Variants in EDIL3 observed in about 807,000 individuals in gnomAD.
The protein encoded by EDIL3 is EGF like and discoidin domains 3.
In EDIL3, 37 loss-of-function variants were observed where a neutral mutation model predicts 67.4. The ratio of observed to expected loss-of-function variants is 0.55; its 90% confidence interval spans 0.42 to 0.72. The LOEUF is 0.72. Ranked by LOEUF, EDIL3 falls within the 30% of genes least tolerant of loss-of-function variation. EDIL3 has a pLI of 0.00. For synonymous variants in EDIL3, 195 were observed against 196.3 expected (o/e 0.99, Z 0.05); for missense variants, 527 against 586.3 (o/e 0.90, Z 1.04).
chr5:84,000,992 G>A (rs1190590860), intron 9 of EDIL3, among the ~76,000 whole-genome samples: 3 of 151,934 alleles, frequency 2.0e-5, no homozygotes, highest in Non-Finnish European at 4.4e-5. Context: ...GTGGTACTAA[G>A]AGGAAAGTTT....
intron 6 of EDIL3, among the ~76,000 whole-genome samples, chr5:84,092,890 T>C (rs1033945215): frequency 2.0e-5 from 3 of 152,170 alleles, no homozygotes; most frequent in Non-Finnish European, 4.4e-5. Context: ...CTGGCAAACA[T>C]CCTACAAATA....
intron 8 of EDIL3, among the ~76,000 whole-genome samples, chr5:84,062,103 G>T (rs958229537): frequency 2.0e-5 from 3 of 151,934 alleles, no homozygotes; most frequent in Admixed American, 6.6e-5. Flanking sequence ...GTACATTTTG[G>T]TATAGGAGAT....
chr5:84,367,234 C>A (rs1340583754), intron 1 of EDIL3, among the ~76,000 whole-genome samples: 2 of 151,858 alleles, frequency 1.3e-5, no homozygotes, highest in Admixed American at 1.3e-4. Flanking sequence ...TAAAGGGAAA[C>A]ACAAGCATAT....
intron 1 of EDIL3, among the ~76,000 whole-genome samples, chr5:84,297,605 G>C (rs1746076293): frequency 6.6e-6 from 1 of 152,128 alleles, no homozygotes; most frequent in Non-Finnish European, 1.5e-5. Context: ...TGGGTCCAGG[G>C]GACCATCGGG....
At chr5:84,134,222 C>T (rs1465952836) in intron 5 of EDIL3, among the ~76,000 whole-genome samples, 1 of 152,072 alleles carries the variant, frequency 6.6e-6, no homozygotes, top group Non-Finnish European at 1.5e-5. Context: ...AATATCTCAA[C>T]AAAAACATCT....
intron 1 of EDIL3, among the ~76,000 whole-genome samples, chr5:84,369,421 T>G (rs535009063): frequency 6.6e-6 from 1 of 152,078 alleles, no homozygotes; most frequent in Non-Finnish European, 1.5e-5. Flanking sequence ...AAGAACATTC[T>G]AACGTATGCT....
At chr5:83,984,301 AAATAT>A (rs1296364630) in intron 9 of EDIL3, among the ~76,000 whole-genome samples, 1 of 152,082 alleles carries the variant, frequency 6.6e-6, no homozygotes, top group Admixed American at 6.6e-5. Flanking sequence ...GGGGTTCTGG[AAATAT>A]CTGGCAAAAA....
At chr5:84,096,840 G>A (rs2112273609) in intron 6 of EDIL3, among the ~76,000 whole-genome samples, 1 of 152,310 alleles carries the variant, frequency 6.6e-6, no homozygotes, top group South Asian at 2.1e-4. Context: ...TGAAAGATAA[G>A]TGAATCATGG....
intron 4 of EDIL3, among the ~76,000 whole-genome samples, chr5:84,166,982 A>G (rs149251414): frequency 1.3e-5 from 2 of 152,160 alleles, no homozygotes; most frequent in African/African-American, 4.8e-5. Context: ...ACGAACAGGA[A>G]CGGGGCATGC....
intron 1 of EDIL3, among the ~76,000 whole-genome samples, chr5:84,275,033 A>C (rs965516245): frequency 3.9e-5 from 6 of 152,148 alleles, no homozygotes; most frequent in Non-Finnish European, 7.4e-5. Context: ...TTGCTCTTTA[A>C]ATGTTTAAAA....
Position 84,065,975 on chromosome 5 carries a change from C to A in EDIL3, c.807+476G>T, listed in dbSNP as rs181595794. 6.7e-3 allele frequency among the ~76,000 whole-genome samples: 1,024 copies of A among 151,742 alleles called. 15 individuals are homozygous for A. Among genetic ancestry groups the A allele is most frequent in the African/African-American group, 0.024 (992 of 41,360 alleles). Reference sequence around the variant, plus strand: ...CTAAAAATACAAAAAATTAGCCGGGCGTGGTGGTGGGCACCTGTAGTCCCA... The same window carrying A: ...CTAAAAATACAAAAAATTAGCCGGGAGTGGTGGTGGGCACCTGTAGTCCCA... On this transcript the variant is annotated intron_variant, in intron 7 of 10. Coordinates refer to ENST00000296591, the MANE Select transcript of EDIL3 (RefSeq NM_005711.5).
At chr5:84,189,190 A>T (rs532399120) in intron 3 of EDIL3, among the ~76,000 whole-genome samples, 1 of 152,058 alleles carries the variant, frequency 6.6e-6, no homozygotes, top group Non-Finnish European at 1.5e-5. Context: ...GGTGCTGGAG[A>T]TCAGGAGAGC....
At position 84,258,505 on chromosome 5, in the gene EDIL3, G is replaced by GT. The variant is rs538097920; in HGVS notation, c.68-4294dup. On this transcript the variant is annotated intron_variant, in intron 1 of 10. Coordinates refer to ENST00000296591, the MANE Select transcript of EDIL3 (RefSeq NM_005711.5). The stretch of plus-strand genomic sequence containing the variant: ...CAGGCACTAGGGCAATCCAGGTAGA[G>GT]TGAGGGCCTAAGGCTCAAGTAGGGT... Among the ~76,000 whole-genome samples, 9 of 152,318 alleles carry GT rather than the reference G, an allele frequency of 5.9e-5. No individual in the cohort carries two copies. In the South Asian group the frequency reaches 1.9e-3, roughly 32 times the overall value.
chr5:83,992,678 T>G (rs2112160864), intron 9 of EDIL3, among the ~76,000 whole-genome samples: 1 of 152,236 alleles, frequency 6.6e-6, no homozygotes, highest in African/African-American at 2.4e-5. Flanking sequence ...CAATGAGATA[T>G]CTGCATATAT....
intron 1 of EDIL3, among the ~76,000 whole-genome samples, chr5:84,323,402 A>T (rs895713687): frequency 2.6e-5 from 4 of 151,966 alleles, no homozygotes; most frequent in Non-Finnish European, 4.4e-5. Context: ...AACCAAAGAG[A>T]GTAGCTATAG....
intron 1 of EDIL3, among the ~76,000 whole-genome samples, chr5:84,301,449 C>T (rs955149): frequency 0.26 from 40,004 of 152,014 alleles, 6,022 homozygotes; most frequent in Non-Finnish European, 0.35. Flanking sequence ...CCTGTTAAAT[C>T]AAGTCCTATG....
chr5:84,306,696 G>A (rs550999018), intron 1 of EDIL3, among the ~76,000 whole-genome samples: 21 of 152,314 alleles, frequency 1.4e-4, no homozygotes, highest in African/African-American at 5.1e-4. Context: ...GTGATATGAA[G>A]ATTGATAGCC....
intron 3 of EDIL3, among the ~76,000 whole-genome samples, chr5:84,191,606 G>A (rs1743587644): frequency 1.3e-5 from 2 of 151,994 alleles, no homozygotes; most frequent in South Asian, 4.1e-4. Flanking sequence ...TCTGTTAAGT[G>A]AGCATTAAGT....
At chr5:84,103,114 T>G (rs1395077334) in intron 6 of EDIL3, among the ~76,000 whole-genome samples, 1 of 152,072 alleles carries the variant, frequency 6.6e-6, no homozygotes, top group East Asian at 1.9e-4. Context: ...AAACAAGCTA[T>G]GGGGAAAGAA....
Sources: gnomAD v4.1 joint callset for allele counts (sites outside exome capture counted in the v4.1 genomes callset) on GRCh38, gnomAD v4.1.1 for gene constraint, MANE v1.5 for transcripts, NCBI Gene and HGNC (gene_info 2026-07-23, HGNC 2026-07-21) for gene names.